VPS13A: variants seen among roughly 807,000 people sequenced by gnomAD.
VPS13A encodes vacuolar protein sorting 13 homolog A.
Under a neutral mutation model 390.9 loss-of-function variants are expected in VPS13A, and 264 were observed. The ratio of observed to expected loss-of-function variants is 0.68; its 90% CI spans 0.61 to 0.75. VPS13A has a LOEUF of 0.75. Ranked by LOEUF, VPS13A falls within the 30% of genes least tolerant of loss-of-function variation. The pLI is 0.00. For synonymous variants in VPS13A, 1,231 were observed against 1,227.1 expected, an observed-to-expected ratio of 1.00 and a Z score of -0.07; for missense variants, 3,409 against 3,733.9, an observed-to-expected ratio of 0.91 and a Z score of 2.27.
chr9:77,180,919 T>C (rs912956585), intron 1 of VPS13A, among the ~76,000 whole-genome samples: 1 of 152,178 alleles, frequency 6.6e-6, no homozygotes, highest in Admixed American at 6.6e-5. Context: ...GGTGTGGTGC[T>C]CATTCCTGTA....
At chr9:77,302,838 ATAAATT>A (rs1828461440) in intron 33 of VPS13A, 71 bp from the exon 34 acceptor site, 7 of 1,437,340 alleles carry the variant, frequency 4.9e-6, no homozygotes, top group Non-Finnish European at 6.8e-6. Flanking sequence ...ATATAAAAGG[ATAAATT>A]TAAGTTAATC....
At chr9:77,344,620 G>C (rs541629430) in intron 51 of VPS13A, among the ~76,000 whole-genome samples, 1 of 152,054 alleles carries the variant, frequency 6.6e-6, no homozygotes, top group South Asian at 2.1e-4. Context: ...TTAGCCGGGC[G>C]TGGTGGCGGG....
chr9:77,341,686 CTTTCCT>C (rs1830820917), intron 50 of VPS13A, among the ~76,000 whole-genome samples: 1 of 39,046 alleles, frequency 2.6e-5, no homozygotes, highest in African/African-American at 9.9e-5. Flanking sequence ...ACATGGACAT[CTTTCCT>C]TTTTTTTTTT....
rs111517856 is a variant in VPS13A, at chr9:77,281,739, G to GTATA, written c.2905-112_2905-109dup. 1,583 of 491,382 alleles carry GTATA rather than the reference G, an allele frequency of 3.2e-3. 1 individual carries two copies. Among genetic ancestry groups the GTATA allele is most frequent in the South Asian group, 0.01 (353 of 34,678 alleles). The allele number at this position is 491,382 out of a possible 1,614,324, so 30.4% of individuals were successfully genotyped here. A position where few individuals can be genotyped will look rare whatever the true frequency, so the allele number is the denominator to read the frequency against. On this transcript the variant is annotated intron_variant, in intron 27 of 71. Transcript: ENST00000360280. ...GGTAATTATATGTGTGTGTATATGT[G>GTATA]TATATATATATATATATATGTATAT...
At chr9:77,310,952 G>C (rs192409557) in intron 35 of VPS13A, among the ~76,000 whole-genome samples, 3,455 of 150,786 alleles carry the variant, frequency 0.023, 106 homozygotes, top group East Asian at 0.12. Context: ...TTGAGACAGA[G>C]TCTCGCTATG....
At chr9:77,300,460 G>A (rs575293391) in intron 33 of VPS13A, among the ~76,000 whole-genome samples, 4 of 152,274 alleles carry the variant, frequency 2.6e-5, no homozygotes, top group African/African-American at 4.8e-5. Context: ...TGCTGGGCAC[G>A]TTGGCTTACG....
At chr9:77,192,539 G>C (rs1824746166) in intron 1 of VPS13A, among the ~76,000 whole-genome samples, 2 of 152,112 alleles carry the variant, frequency 1.3e-5, no homozygotes, top group Non-Finnish European at 2.9e-5. Flanking sequence ...AAGTCTGGTG[G>C]TAATGAGTTC....
chr9:77,217,783 C>CTT (rs546757591), intron 10 of VPS13A, among the ~76,000 whole-genome samples: 14 of 138,546 alleles, frequency 1.0e-4, no homozygotes, highest in Middle Eastern at 3.4e-3. Context: ...CTTTTTTTTT[C>CTT]TTTTTTTTTT....
intron 71 of VPS13A, among the ~76,000 whole-genome samples, chr9:77,415,666 T>A (rs773315134): frequency 2.0e-5 from 3 of 152,280 alleles, no homozygotes; most frequent in African/African-American, 7.2e-5. Flanking sequence ...CAGCACAGAT[T>A]GGAAGGAATT....
chr9:77,238,384 C>T lies in VPS13A; in HGVS notation c.1898C>T (p.Thr633Ile), dbSNP rs1824274654. Residue 633 changes from threonine to isoleucine, a missense_variant and splice_region_variant, in exon 19 of 72, where the codon ACA becomes ATA. Thr to Ile is a moderately conservative substitution (Grantham distance 89). Transcript: ENST00000360280. The stretch of plus-strand genomic sequence containing the variant: ...GAAGAATTTCGCAGTAAGACAGCAA[C>T]AGGTAAATGCCAATATTAATGTTGG... ...KLEEFRSKTA[T>I]GLLYIIETQK... 6.2e-7 allele frequency: 1 copy of T among 1,607,010 alleles called. No homozygotes were observed.
intron 23 of VPS13A, among the ~76,000 whole-genome samples, chr9:77,261,677 C>G (rs928462464): frequency 1.3e-5 from 2 of 151,954 alleles, no homozygotes; most frequent in Admixed American, 1.3e-4. Flanking sequence ...CTCCGTCTCC[C>G]AGGTTCAAGC....
At chr9:77,220,776 C>T (rs537563077) in intron 12 of VPS13A, among the ~76,000 whole-genome samples, 10 of 152,026 alleles carry the variant, frequency 6.6e-5, no homozygotes, top group Non-Finnish European at 1.3e-4. Flanking sequence ...AAAAATGTTA[C>T]GGAGTCTATG....
intron 22 of VPS13A, among the ~76,000 whole-genome samples, chr9:77,256,122 G>C (rs576943113): frequency 2.6e-5 from 4 of 151,906 alleles, no homozygotes; most frequent in Admixed American, 2.0e-4. Flanking sequence ...ATTAATGTAG[G>C]TGTTTACAGC....
intron 67 of VPS13A, among the ~76,000 whole-genome samples, chr9:77,373,886 A>G (rs1293260918): frequency 6.6e-6 from 1 of 152,214 alleles, no homozygotes; most frequent in Non-Finnish European, 1.5e-5. Flanking sequence ...TCATTTTGAT[A>G]TTTTTTAAGT....
chr9:77,393,196 A>G (rs1257873515), intron 68 of VPS13A, among the ~76,000 whole-genome samples: 3 of 152,358 alleles, frequency 2.0e-5, no homozygotes, highest in East Asian at 1.9e-4. Flanking sequence ...TTGCTTATCC[A>G]TAAGAAGCAA....
chr9:77,226,501 A>C lies in VPS13A; in HGVS notation c.1260A>C (p.Gly420=). Residue 420 remains glycine, a synonymous_variant, in exon 15 of 72, where the codon GGA becomes GGC. Transcript: ENST00000360280. ...CTGGATACAAAATTTACAAAGAAGG[A>C]GTAAAAGATCCAGAGGATAATAAAG... ...KKAGYKIYKE[G]VKDPEDNKGW... The C allele has an allele frequency of 6.2e-7, 1 of 1,612,514 alleles. No homozygotes were observed. The highest frequency in any genetic ancestry group is 8.5e-7 in the Non-Finnish European group (1 of 1,178,838).
intron 68 of VPS13A, among the ~76,000 whole-genome samples, chr9:77,399,509 A>G (rs1834280934): frequency 6.7e-6 from 1 of 148,888 alleles, no homozygotes; most frequent in South Asian, 2.2e-4. Flanking sequence ...TACTTGGAAT[A>G]AACCATAGCT....
rs949636133 is a variant in VPS13A, at chr9:77,353,341, A to G, written c.7420-68A>G. The G allele has an allele frequency of 2.4e-6, 3 of 1,255,380 alleles. No homozygotes were observed. In the Admixed American group the frequency reaches 6.3e-5, roughly 26 times the overall value. The allele number at this position is 1,255,380 out of a possible 1,614,324, so 77.8% of individuals were successfully genotyped here. ...CTCATTTTATAAATGTGAAATCTAA[A>G]TTTCATGTTCTTTGGGACCAAATTC... On this transcript the variant is annotated intron_variant, in intron 53 of 71. Coordinates refer to ENST00000360280, the MANE Select transcript of VPS13A (RefSeq NM_033305.3).
chr9:77,229,512 T>G (rs1564647850), intron 17 of VPS13A, among the ~76,000 whole-genome samples: 1 of 152,246 alleles, frequency 6.6e-6, no homozygotes, highest in Non-Finnish European at 1.5e-5. Context: ...ACAGTTCATA[T>G]GAATGTAGTC....
Sources: gnomAD v4.1 joint callset for allele counts (sites outside exome capture counted in the v4.1 genomes callset) on GRCh38, gnomAD v4.1.1 for gene constraint, MANE v1.5 for transcripts, NCBI Gene and HGNC (gene_info 2026-07-23, HGNC 2026-07-21) for gene names.